The following CARD10 variants were observed in gnomAD, a reference collection of about 807,000 sequenced individuals.
CARD10 encodes the protein caspase recruitment domain family member 10, also known as caspase recruitment domain-containing protein 10.
CARD10 carries 49 observed loss-of-function variants against 114.6 expected under a neutral mutation model. That is an observed-to-expected ratio of 0.43 (90% CI 0.34 to 0.54). The LOEUF is 0.54. Ranked by LOEUF, CARD10 falls within the 20% of genes least tolerant of loss-of-function variation. The pLI is 0.03. For missense variants in CARD10, 1,206 were observed against 1,397.2 expected (o/e 0.86, Z 2.18); for synonymous variants, 602 against 593.2 (o/e 1.01, Z -0.21).
At chr22:37,502,846 G>T in intron 10 of CARD10, 121 bp from the exon 11 acceptor site, 1 of 1,191,434 alleles carries the variant, frequency 8.4e-7, no homozygotes, top group Non-Finnish European at 1.2e-6. Context: ...GGCCCCAGGA[G>T]CACATCAGAC....
chr22:37,509,757 T>TC (rs1288924416), intron 4 of CARD10, among the ~76,000 whole-genome samples: 1 of 46,202 alleles, frequency 2.2e-5, no homozygotes, highest in South Asian at 8.2e-4. Flanking sequence ...CCTTCTGACC[T>TC]CCCCCGACCC....
At chr22:37,494,358 C>A (rs1164686732) in intron 15 of CARD10, 170 bp from the exon 16 acceptor site, 2 of 603,128 alleles carry the variant, frequency 3.3e-6, no homozygotes, top group Non-Finnish European at 2.9e-6. Flanking sequence ...CTCCCCTGCC[C>A]CTCCCCAGCC....
intron 1 of CARD10, 31 bp downstream of exon 1, chr22:37,518,935 G>A: frequency 6.7e-7 from 1 of 1,501,362 alleles, no homozygotes. Context: ...GGCCGGCCCA[G>A]GTCGTGGCCC....
At position 37,508,755 on chromosome 22, in the gene CARD10, AC is replaced by A. The variant is rs552328564; in HGVS notation, c.910-74del. The A allele has an allele frequency of 8.2e-4, 1,194 of 1,457,256 alleles. 5 individuals are homozygous for A. The African/African-American group carries it at 0.014, about 17-fold the overall frequency. The allele number at this position is 1,457,256 out of a possible 1,614,324, so 90.3% of individuals were successfully genotyped here. On this transcript the variant is annotated intron_variant, in intron 4 of 19. Coordinates refer to ENST00000251973, the MANE Select transcript of CARD10 (RefSeq NM_014550.4). ...CCCTGGGTGTGGGAAGGAAGGGGACACGCAGCTCTCAGCCCTCCAAACCCAC... is the reference window on the plus strand; with the variant it reads ...CCCTGGGTGTGGGAAGGAAGGGGACAGCAGCTCTCAGCCCTCCAAACCCAC...
chr22:37,510,120 C>T, intron 4 of CARD10, 92 bp downstream of exon 4: 4 of 847,326 alleles, frequency 4.7e-6, no homozygotes, highest in South Asian at 3.6e-5. Context: ...CCTGATCCCC[C>T]ACCCCGCAGC....
In CARD10 at chr22:37,519,329, TCCCCGCGACTCA is replaced by T. The variant is rs1449887319; in HGVS notation, c.-141_-130del. The T allele has an allele frequency of 2.3e-6, 3 of 1,331,854 alleles. No homozygotes were observed. Among genetic ancestry groups the T allele is most frequent in the Non-Finnish European group, 2.9e-6 (3 of 1,044,516 alleles). The allele number at this position is 1,331,854 out of a possible 1,614,324, so 82.5% of individuals were successfully genotyped here. Reference sequence around the variant, plus strand: ...CCGCCGTCGGGGGCGCGCCCCGAGCTCCCCGCGACTCACCCCGCACGCTACAGTCGCCTCGGG... The same window carrying T: ...CCGCCGTCGGGGGCGCGCCCCGAGCTCCCCGCACGCTACAGTCGCCTCGGG... On this transcript the variant is annotated 5_prime_UTR_variant, in exon 1 of 20. Transcript: ENST00000251973. This position sits in a 1 kb window ranked among gnomAD's most constrained non-coding sequence, Gnocchi z 4.1.
At chr22:37,503,257 G>C (rs776941069) in intron 9 of CARD10, 44 bp from the exon 10 acceptor site, 1 of 1,585,702 alleles carries the variant, frequency 6.3e-7, no homozygotes, top group Non-Finnish European at 8.6e-7. Flanking sequence ...GTGAGGCACA[G>C]TGGGCACTCT....
chr22:37,491,870 G>A lies in CARD10; in HGVS notation c.2752-3C>T. On this transcript the variant is annotated splice_region_variant and splice_polypyrimidine_tract_variant and intron_variant, in intron 18 of 19. Coordinates refer to ENST00000251973, the MANE Select transcript of CARD10 (RefSeq NM_014550.4). ...CCCAGCTCCAGCAGGCAGTGCTTCT[G>A]CTTGGAGGATCGAGGCTACAATGTA... The A allele has an allele frequency of 6.2e-7, 1 of 1,600,718 alleles. No individual in the cohort carries two copies.
intron 15 of CARD10, chr22:37,494,476 T>TGG (rs1922923372): frequency 4.2e-6 from 2 of 475,964 alleles, no homozygotes; most frequent in African/African-American, 4.0e-5. Flanking sequence ...AAGCTACAGA[T>TGG]GGGGAGACTG....
chr22:37,519,391 G>C lies in CARD10; in HGVS notation c.-191C>G. ...GCTCCCGGGTCCGCACTCGGGCGGC[G>C]GCTCCGCCGGCGCAGGGGGGCGGTG... On this transcript the variant is annotated 5_prime_UTR_variant, in exon 1 of 20. Transcript: ENST00000251973. This position sits in a 1 kb window ranked among gnomAD's most constrained non-coding sequence, Gnocchi z 4.1. The C allele has an allele frequency of 1.7e-6, 2 of 1,202,704 alleles. No homozygotes were observed. The highest frequency in any genetic ancestry group is 3.4e-5 in the East Asian group (1 of 29,126). 74.5% of individuals were successfully genotyped at this position (1,202,704 alleles called of 1,614,324 possible).
At position 37,492,457 on chromosome 22, in the gene CARD10, GC is replaced by G. The variant is rs1486813464; in HGVS notation, c.2728del (p.Ala910ProfsTer37). Reference protein sequence around the residue: ...ATPGLGSRIRAIQESVGKKHC... With the variant: ...ATPGLGSRIRXIQESVGKKHC... Reference sequence around the variant, plus strand: ...CACCTTCCCAACAGACTCCTGGATGGCCCGGATCCTGCTGCCTAGCCCAGGG... The same window carrying G: ...CACCTTCCCAACAGACTCCTGGATGGCCGGATCCTGCTGCCTAGCCCAGGG... On this transcript the variant is annotated frameshift_variant, in exon 18 of 20. Coordinates refer to ENST00000251973, the MANE Select transcript of CARD10 (RefSeq NM_014550.4). LOFTEE classifies it high-confidence loss of function. This position sits in a 1 kb window ranked among gnomAD's most constrained non-coding sequence, Gnocchi z 5.7. The G allele has an allele frequency of 6.3e-7, 1 of 1,588,196 alleles. No homozygotes were observed. Among genetic ancestry groups the G allele is most frequent in the Non-Finnish European group, 8.6e-7 (1 of 1,165,940 alleles).
At chr22:37,494,459 A>G in intron 15 of CARD10, 1 of 516,318 alleles carries the variant, frequency 1.9e-6, no homozygotes, top group Non-Finnish European at 3.4e-6. Flanking sequence ...CCTTAGGTAT[A>G]CCCCCCAAGC....
intron 2 of CARD10, among the ~76,000 whole-genome samples, chr22:37,516,968 T>G (rs1162761603): frequency 6.6e-6 from 1 of 152,218 alleles, no homozygotes; most frequent in Non-Finnish European, 1.5e-5. Context: ...TAAAAACGTT[T>G]AAACATGATC....
At position 37,496,106 on chromosome 22, in the gene CARD10, G is replaced by C; in HGVS notation, c.2060-103C>G. ...CAAAGACATGGCCCTCTCGAGGCCTGAGTTCCCAGGACCCGACCTTCACCT... is the reference window on the plus strand; with the variant it reads ...CAAAGACATGGCCCTCTCGAGGCCTCAGTTCCCAGGACCCGACCTTCACCT... On this transcript the variant is annotated intron_variant, in intron 13 of 19. Transcript: ENST00000251973. This position sits in a 1 kb window ranked among gnomAD's most constrained non-coding sequence, Gnocchi z 4.1. 1 of 1,435,964 alleles carries C rather than the reference G, an allele frequency of 7.0e-7. No individual in the cohort carries two copies. Among genetic ancestry groups the C allele is most frequent in the Non-Finnish European group, 9.4e-7 (1 of 1,061,686 alleles). The allele number at this position is 1,435,964 out of a possible 1,614,324, so 89.0% of individuals were successfully genotyped here.
intron 1 of CARD10, 30 bp from the exon 2 acceptor site, chr22:37,518,138 G>T: frequency 6.2e-7 from 1 of 1,602,930 alleles, no homozygotes. Flanking sequence ...TGTACCCAGG[G>T]TCTAGGGGAA....
chr22:37,496,931 C>A lies in CARD10; in HGVS notation c.1947+88G>T. 1 of 1,418,456 alleles carries A rather than the reference C, an allele frequency of 7.0e-7. No homozygotes were observed. Among genetic ancestry groups the A allele is most frequent in the Non-Finnish European group, 9.5e-7 (1 of 1,048,970 alleles). 87.9% of individuals were successfully genotyped at this position (1,418,456 alleles called of 1,614,324 possible). A position where few individuals can be genotyped will look rare whatever the true frequency, so the allele number is the denominator to read the frequency against. On this transcript the variant is annotated intron_variant, in intron 12 of 19. Coordinates refer to ENST00000251973, the MANE Select transcript of CARD10 (RefSeq NM_014550.4). The surrounding 1 kb of genome is among the most constrained non-coding windows in gnomAD (Gnocchi z 4.1). Reference sequence around the variant, plus strand: ...TTGACCAATCCCCAGAAGCTCTGCCCGGTGATCTTGATCCACCAAATTAAG... The same window carrying A: ...TTGACCAATCCCCAGAAGCTCTGCCAGGTGATCTTGATCCACCAAATTAAG...
At chr22:37,513,783 C>A (rs1412785716) in intron 3 of CARD10, among the ~76,000 whole-genome samples, 2 of 152,186 alleles carry the variant, frequency 1.3e-5, no homozygotes, top group Non-Finnish European at 2.9e-5. Context: ...CGCCCCTCAG[C>A]AGTGCTGAGA....
At chr22:37,498,250 G>A (rs1310830333) in intron 11 of CARD10, among the ~76,000 whole-genome samples, 5 of 152,174 alleles carry the variant, frequency 3.3e-5, no homozygotes, top group Admixed American at 6.5e-5. Context: ...TTTGGAGGGC[G>A]TGGAACAGAG....
chr22:37,501,266 G>A lies in CARD10; in HGVS notation c.1787+1336C>T, dbSNP rs756865851. ...AGAAGTGGCCCCATGTGATCGTGGG[G>A]CCTGGGCGGGGCTGGGACGGAGGCT... On this transcript the variant is annotated intron_variant, in intron 11 of 19. Coordinates refer to ENST00000251973, the MANE Select transcript of CARD10 (RefSeq NM_014550.4). The surrounding 1 kb of genome is among the most constrained non-coding windows in gnomAD (Gnocchi z 5.4). Among the ~76,000 whole-genome samples the A allele has an allele frequency of 8.3e-4, 127 of 152,276 alleles. No individual in the cohort carries two copies. The highest frequency in any genetic ancestry group is 1.2e-3 in the Admixed American group (19 of 15,296).
Sources: gnomAD v4.1 joint callset for allele counts (sites outside exome capture counted in the v4.1 genomes callset) on GRCh38, gnomAD v4.1.1 for gene constraint, Gnocchi (gnomAD v3.1) non-coding constraint, MANE v1.5 for transcripts, NCBI Gene and HGNC (gene_info 2026-07-23, HGNC 2026-07-21) for gene names.